The following MBOAT2 variants were observed in gnomAD, a reference collection of about 807,000 sequenced individuals.
MBOAT2 encodes the protein membrane-bound glycerophospholipid O-acyltransferase 2.
In MBOAT2, 28 loss-of-function variants were observed where a neutral mutation model predicts 63.4. The observed-to-expected ratio is 0.44, with a 90% CI of 0.33 to 0.61. MBOAT2 has a LOEUF of 0.61. Among genes scored for constraint, MBOAT2 ranks in the 20% least tolerant of loss-of-function variants. The probability of loss-of-function intolerance (pLI) is 0.03; values close to 1 mark genes in which losing one functional copy is unlikely to be tolerated. For missense variants in MBOAT2, 470 were observed against 605.8 expected, an observed-to-expected ratio of 0.78 and a Z score of 2.35; for synonymous variants, 211 against 215.6, an observed-to-expected ratio of 0.98 and a Z score of 0.19.
intron 4 of MBOAT2, among the ~76,000 whole-genome samples, chr2:8,889,414 GA>G (rs1663821762): frequency 6.6e-6 from 1 of 152,190 alleles, no homozygotes; most frequent in African/African-American, 2.4e-5. Context: ...TCTTAAACTG[GA>G]AGTGCTTAAG....
At chr2:8,952,532 C>T (rs879294131) in intron 2 of MBOAT2, among the ~76,000 whole-genome samples, 7 of 152,166 alleles carry the variant, frequency 4.6e-5, no homozygotes, top group Non-Finnish European at 7.4e-5. Context: ...AAGTTCCCCA[C>T]TATTAATGTG....
At chr2:8,912,325 A>AAGAAAGAAAGAAAGAAAG in intron 3 of MBOAT2, among the ~76,000 whole-genome samples, 2 of 105,922 alleles carry the variant, frequency 1.9e-5, no homozygotes, top group African/African-American at 3.9e-5. Context: ...GAAAGAAAGA[A>AAGAAAGAAAGAAAGAAAG]AGAAAGAAAG....
intron 4 of MBOAT2, among the ~76,000 whole-genome samples, chr2:8,902,946 A>G (rs1665068849): frequency 6.6e-6 from 1 of 152,146 alleles, no homozygotes. Context: ...GGTCAATTTT[A>G]CAGAGTGCTG....
At chr2:8,878,671 A>C (rs1662880190) in intron 6 of MBOAT2, among the ~76,000 whole-genome samples, 1 of 152,246 alleles carries the variant, frequency 6.6e-6, no homozygotes, top group South Asian at 2.1e-4. Context: ...TTTCTTTGAT[A>C]AATTAAATAG....
chr2:8,899,672 C>T (rs1292340335), intron 4 of MBOAT2, among the ~76,000 whole-genome samples: 2 of 152,186 alleles, frequency 1.3e-5, no homozygotes, highest in Admixed American at 6.5e-5. Context: ...TAGCTTGTTT[C>T]TCATTGGACA....
intron 4 of MBOAT2, among the ~76,000 whole-genome samples, chr2:8,889,044 C>A (rs1663779823): frequency 6.6e-6 from 1 of 152,178 alleles, no homozygotes; most frequent in African/African-American, 2.4e-5. Flanking sequence ...GTGCTCTATA[C>A]ACATGCAGAG....
intron 2 of MBOAT2, 47 bp downstream of exon 2, chr2:8,958,450 T>C: frequency 6.7e-7 from 1 of 1,484,486 alleles, no homozygotes; most frequent in Non-Finnish European, 9.0e-7. Flanking sequence ...AATTCTCAAA[T>C]ACATCCAAAT....
chr2:8,863,590 C>T (rs1661644930), intron 10 of MBOAT2, among the ~76,000 whole-genome samples: 2 of 152,280 alleles, frequency 1.3e-5, no homozygotes, highest in South Asian at 2.1e-4. Flanking sequence ...GTTCTTCCCG[C>T]ATCCCTCTGT....
chr2:8,964,392 C>T (rs919987098), intron 1 of MBOAT2, among the ~76,000 whole-genome samples: 4 of 151,314 alleles, frequency 2.6e-5, no homozygotes, highest in Admixed American at 2.6e-4. Flanking sequence ...ATTTACTCAT[C>T]TTGTGTATTA....
chr2:8,917,756 T>C lies in MBOAT2; in HGVS notation c.300-9040A>G, dbSNP rs778463470. On this transcript the variant is annotated intron_variant, in intron 3 of 12. Transcript: ENST00000305997. ...TATTTACACAAGAGAAATGAAAATA[T>C]GTATCAACAAAAATACTTGAAGAAT... Among the ~76,000 whole-genome samples the C allele has an allele frequency of 1.5e-4, 23 of 152,322 alleles. 1 individual carries two copies. The highest frequency in any genetic ancestry group is 6.5e-4 in the Admixed American group (10 of 15,288).
chr2:8,917,768 A>T (rs1165411587), intron 3 of MBOAT2, among the ~76,000 whole-genome samples: 1 of 152,224 alleles, frequency 6.6e-6, no homozygotes, highest in Non-Finnish European at 1.5e-5. Context: ...TATCAACAAA[A>T]ATACTTGAAG....
intron 1 of MBOAT2, among the ~76,000 whole-genome samples, chr2:8,970,861 G>A (rs1670395272): frequency 6.6e-6 from 1 of 152,198 alleles, no homozygotes; most frequent in Non-Finnish European, 1.5e-5. Flanking sequence ...AACAGGTTCT[G>A]AAATTGGGGC....
At position 8,908,713 on chromosome 2, in the gene MBOAT2, G is replaced by A. The variant is rs1304447433; in HGVS notation, c.303C>T (p.Tyr101=). 3 of 1,599,092 alleles carry A rather than the reference G, an allele frequency of 1.9e-6. No individual in the cohort carries two copies. The highest frequency in any genetic ancestry group is 4.5e-5 in the East Asian group (2 of 44,630). Residue 101 remains tyrosine (Y), a synonymous_variant, in exon 4 of 13, where the codon TAC becomes TAT. Coordinates refer to ENST00000305997, the MANE Select transcript of MBOAT2 (RefSeq NM_138799.4). ...GGTATCCCAGAGCAAACACAAAGCAGTAACTGCAAAACAAAAATAAGCTAC... is the reference window on the plus strand; with the variant it reads ...GGTATCCCAGAGCAAACACAAAGCAATAACTGCAAAACAAAAATAAGCTAC... ...IIIGVENMHN[Y]CFVFALGYLT... is the part of the protein sequence containing the mutation.
At chr2:8,977,111 C>T (rs1051818916) in intron 1 of MBOAT2, among the ~76,000 whole-genome samples, 1 of 152,098 alleles carries the variant, frequency 6.6e-6, no homozygotes, top group Admixed American at 6.6e-5. Flanking sequence ...TGTCTATCAT[C>T]TTTATTCTGG....
At chr2:8,888,170 C>T (rs1456774206) in intron 4 of MBOAT2, 97 bp from the exon 5 acceptor site, 3 of 1,136,364 alleles carry the variant, frequency 2.6e-6, no homozygotes, top group Non-Finnish European at 2.6e-6. Context: ...TTTATCACTA[C>T]AAATCCTGAA....
chr2:8,950,614 A>G (rs558685863), intron 2 of MBOAT2, among the ~76,000 whole-genome samples: 6 of 152,088 alleles, frequency 3.9e-5, no homozygotes, highest in Non-Finnish European at 8.8e-5. Flanking sequence ...TTTTTAGTAG[A>G]GACGGGGTTT....
Position 8,855,069 on chromosome 2 carries a change from G to T in MBOAT2, c.*3610C>A, listed in dbSNP as rs1157822401. On this transcript the variant is annotated 3_prime_UTR_variant, in exon 13 of 13. Transcript: ENST00000305997. ...CTCATTGTAAGAGCTATTGCCAGTA[G>T]AAAAAGTATGTTGCCATGCCTTCTG... The T allele has an allele frequency of 2.0e-5, 3 of 152,208 alleles. No individual in the cohort carries two copies. The highest frequency in any genetic ancestry group is 4.4e-5 in the Non-Finnish European group (3 of 68,038). The allele number at this position is 152,208 out of a possible 1,614,324, so 9.4% of individuals were successfully genotyped here.
chr2:8,957,333 T>A (rs911729045), intron 2 of MBOAT2, among the ~76,000 whole-genome samples: 4 of 152,196 alleles, frequency 2.6e-5, no homozygotes, highest in African/African-American at 7.2e-5. Context: ...AAATGTGATG[T>A]CAATGAAGCA....
chr2:8,900,250 G>A (rs1330986234), intron 4 of MBOAT2, among the ~76,000 whole-genome samples: 3 of 152,186 alleles, frequency 2.0e-5, no homozygotes, highest in African/African-American at 7.2e-5. Context: ...TAGGGAATTT[G>A]TCCCTTTCTT....
Sources: gnomAD v4.1 joint callset for allele counts (sites outside exome capture counted in the v4.1 genomes callset) on GRCh38, gnomAD v4.1.1 for gene constraint, MANE v1.5 for transcripts, NCBI Gene and HGNC (gene_info 2026-07-23, HGNC 2026-07-21) for gene names.